The following SYAP1 variants were observed in gnomAD, a reference collection of about 807,000 sequenced individuals.
SYAP1 encodes the protein synapse-associated protein 1.
SYAP1 carries 3 observed loss-of-function variants against 29.6 expected under a neutral mutation model. The observed-to-expected ratio is 0.10, with a 90% confidence interval of 0.05 to 0.26. The LOEUF (loss-of-function observed/expected upper bound fraction) is 0.26. Among genes scored for constraint, SYAP1 ranks in the 10% least tolerant of loss-of-function variants. SYAP1 has a pLI of 1.00. For synonymous variants in SYAP1, 102 were observed against 102.7 expected (o/e 0.99, Z 0.04); for missense variants, 217 against 264.1 (o/e 0.82, Z 1.24).
chrX:16,755,194 G>T, intron 6 of SYAP1, 101 bp downstream of exon 6: 1 of 878,609 alleles, frequency 1.1e-6, no homozygotes, highest in East Asian at 3.2e-5. Flanking sequence ...ATTGCCTTAG[G>T]GAAAAATTCT....
intron 2 of SYAP1, among the ~76,000 whole-genome samples, chrX:16,735,659 C>A (rs1418561459): frequency 1.8e-5 from 2 of 111,951 alleles, no homozygotes; most frequent in Non-Finnish European, 3.8e-5. Flanking sequence ...GAGTCTCATT[C>A]TGTCACCCAG....
In SYAP1 at chrX:16,741,801, G is replaced by A; in HGVS notation, c.435+12G>A. ...TGGCCTTATCAGCTGTAAGTATCTT[G>A]TGGTACCCCAGATAGAACATACTTT... On this transcript the variant is annotated intron_variant, in intron 4 of 8. Transcript: ENST00000380155. 1 of 1,139,948 alleles carries A rather than the reference G, an allele frequency of 8.8e-7. No homozygotes were observed. Among genetic ancestry groups the A allele is most frequent in the Non-Finnish European group, 1.2e-6 (1 of 834,901 alleles). The allele number at this position is 1,139,948 out of a possible 1,213,427, so 93.9% of individuals were successfully genotyped here.
At chrX:16,759,027 CAA>C (rs1200498985) in intron 8 of SYAP1, among the ~76,000 whole-genome samples, 7 of 79,364 alleles carry the variant, frequency 8.8e-5, no homozygotes, top group Admixed American at 1.4e-4. Context: ...ACTAAAAATA[CAA>C]AAAAAAAAAA....
chrX:16,735,123 C>G (rs1175588882), intron 1 of SYAP1, 104 bp from the exon 2 acceptor site: 1 of 459,665 alleles, frequency 2.2e-6, no homozygotes, highest in African/African-American at 2.6e-5. Flanking sequence ...TGTTTCAGGT[C>G]CTTATGAACA....
Position 16,720,652 on chromosome X carries a change from G to T in SYAP1, c.175+753G>T, listed in dbSNP as rs150634486. Among the ~76,000 whole-genome samples, 9 of 112,040 alleles carry T rather than the reference G, an allele frequency of 8.0e-5. No individual in the cohort carries two copies. The East Asian group carries it at 2.5e-3, about 31-fold the overall frequency. On this transcript the variant is annotated intron_variant, in intron 1 of 8. Transcript: ENST00000380155. ...GGTTGGGGGACAGGTGATAATAGACGTGGAGTAAACACATGCTGTAGTAAT... is the reference window on the plus strand; with the variant it reads ...GGTTGGGGGACAGGTGATAATAGACTTGGAGTAAACACATGCTGTAGTAAT...
rs1927034052 is a variant in SYAP1 at position 16,763,716 on chromosome X, G to A, written c.*3357G>A. 1 of 111,104 alleles carries A rather than the reference G, an allele frequency of 9.0e-6. No individual in the cohort carries two copies. The highest frequency in any genetic ancestry group is 9.7e-5 in the Admixed American group (1 of 10,316). The allele number at this position is 111,104 out of a possible 1,213,427, so 9.2% of individuals were successfully genotyped here. On this transcript the variant is annotated 3_prime_UTR_variant, in exon 9 of 9. Coordinates refer to ENST00000380155, the MANE Select transcript of SYAP1 (RefSeq NM_032796.4). ...CAGAGATAAAGCAGCAATTACACTT[G>A]TACTCCCAGTGATTTAAGATGCACT...
Position 16,729,485 on chromosome X carries a change from ATT to A in SYAP1, c.176-5726_176-5725del, listed in dbSNP as rs200479115. 7.4e-3 allele frequency among the ~76,000 whole-genome samples: 688 copies of A among 93,078 alleles called. 6 individuals are homozygous for A. Among genetic ancestry groups the A allele is most frequent in the African/African-American group, 0.025 (609 of 24,698 alleles). 80.8% of individuals were successfully genotyped at this position (93,078 alleles called of 115,157 possible). A position where few individuals can be genotyped will look rare whatever the true frequency, so the allele number is the denominator to read the frequency against. ...TGCTTTTATTTTATTGATTTTATCGATTTTTTTTTTTTTTTTTAGAGACAGAG... is the reference window on the plus strand; with the variant it reads ...TGCTTTTATTTTATTGATTTTATCGATTTTTTTTTTTTTTTAGAGACAGAG... On this transcript the variant is annotated intron_variant, in intron 1 of 8. Coordinates refer to ENST00000380155, the MANE Select transcript of SYAP1 (RefSeq NM_032796.4).
At chrX:16,743,126 G>A (rs1280616299) in intron 4 of SYAP1, among the ~76,000 whole-genome samples, 3 of 107,657 alleles carry the variant, frequency 2.8e-5, no homozygotes, top group South Asian at 4.2e-4. Flanking sequence ...TCAGGAGTTC[G>A]AGACCAGCCT....
rs1423347174 is a variant in SYAP1, at chrX:16,763,222, G to A, written c.*2863G>A. On this transcript the variant is annotated 3_prime_UTR_variant, in exon 9 of 9. Coordinates refer to ENST00000380155, the MANE Select transcript of SYAP1 (RefSeq NM_032796.4). ...GATCGCTTGAGCCCAGGAGATCCAGGCTGCAGTAAGCCATGATCATGCCAC... is the reference window on the plus strand; with the variant it reads ...GATCGCTTGAGCCCAGGAGATCCAGACTGCAGTAAGCCATGATCATGCCAC... 9.9e-6 allele frequency: 1 copy of A among 100,985 alleles called. No individual in the cohort carries two copies. Among genetic ancestry groups the A allele is most frequent in the Non-Finnish European group, 2.0e-5 (1 of 50,311 alleles). 8.3% of individuals were successfully genotyped at this position (100,985 alleles called of 1,213,427 possible). A position where few individuals can be genotyped will look rare whatever the true frequency, so the allele number is the denominator to read the frequency against.
chrX:16,742,300 C>T (rs372618354), intron 4 of SYAP1, among the ~76,000 whole-genome samples: 2 of 109,342 alleles, frequency 1.8e-5, no homozygotes, highest in African/African-American at 3.3e-5. Context: ...TACAGGTGCC[C>T]GCCACCACGC....
chrX:16,723,043 C>T (rs1489726224), intron 1 of SYAP1, among the ~76,000 whole-genome samples: 3 of 112,380 alleles, frequency 2.7e-5, no homozygotes, highest in South Asian at 7.3e-4. Context: ...TTTTCTAAAC[C>T]GCCCCTAAAA....
In SYAP1 at chrX:16,719,678, G is replaced by T; in HGVS notation, c.-47G>T. 2 of 1,181,201 alleles carry T rather than the reference G, an allele frequency of 1.7e-6. No individual in the cohort carries two copies. The highest frequency in any genetic ancestry group is 2.3e-6 in the Non-Finnish European group (2 of 881,707). ...GTGGAGTCAAAGGCAACCAGTGCTC[G>T]CTGCGGTCTCTGGGGATCGGGACCG... On this transcript the variant is annotated 5_prime_UTR_variant, in exon 1 of 9. Coordinates refer to ENST00000380155, the MANE Select transcript of SYAP1 (RefSeq NM_032796.4).
chrX:16,729,283 C>A (rs1208762644), intron 1 of SYAP1, among the ~76,000 whole-genome samples: 1 of 110,618 alleles, frequency 9.0e-6, no homozygotes, highest in Non-Finnish European at 1.9e-5. Flanking sequence ...CTAAATAAGC[C>A]AAATTTCACC....
intron 2 of SYAP1, among the ~76,000 whole-genome samples, chrX:16,735,646 A>G (rs1926314406): frequency 9.0e-6 from 1 of 111,668 alleles, no homozygotes; most frequent in Admixed American, 9.6e-5. Flanking sequence ...TTGTTTTGAG[A>G]TGGAGTCTCA....
At chrX:16,734,365 GAC>G (rs2147420934) in intron 1 of SYAP1, among the ~76,000 whole-genome samples, 1 of 102,749 alleles carries the variant, frequency 9.7e-6, no homozygotes, top group African/African-American at 3.5e-5. Flanking sequence ...CAGCCTGGGT[GAC>G]AGAGTGAGAC....
At chrX:16,758,169 A>G (rs1045258399) in intron 8 of SYAP1, among the ~76,000 whole-genome samples, 8 of 110,651 alleles carry the variant, frequency 7.2e-5, no homozygotes, top group Non-Finnish European at 1.9e-5. Context: ...TCAGGCTCCA[A>G]TGTAGCTGGG....
chrX:16,756,530 T>C, intron 6 of SYAP1, 133 bp from the exon 7 acceptor site: 2 of 562,460 alleles, frequency 3.6e-6, no homozygotes, highest in Non-Finnish European at 5.7e-6. Context: ...TAAGAAAAGC[T>C]GAAAGCATAA....
chrX:16,739,939 G>C (rs746477293), intron 3 of SYAP1, among the ~76,000 whole-genome samples: 28 of 111,191 alleles, frequency 2.5e-4, no homozygotes, highest in Non-Finnish European at 4.9e-4. Flanking sequence ...GGCTATTAAG[G>C]GCCCCCTGCC....
intron 5 of SYAP1, among the ~76,000 whole-genome samples, chrX:16,745,278 A>AC (rs999203070): frequency 9.0e-6 from 1 of 110,951 alleles, no homozygotes; most frequent in African/African-American, 3.3e-5. Flanking sequence ...TTGATGTCAC[A>AC]CCCCCAGTCT....
Sources: allele counts gnomAD v4.1 joint callset (sites outside exome capture counted in the v4.1 genomes callset), GRCh38; gene constraint gnomAD v4.1.1; transcripts MANE v1.5; gene names NCBI Gene and HGNC (gene_info 2026-07-23, HGNC 2026-07-21).